The following MAF variants were observed in gnomAD, a reference collection of about 807,000 sequenced individuals.
MAF encodes MAF bZIP transcription factor.
A neutral mutation model predicts 22.0 loss-of-function variants in MAF; 10 were observed. The ratio of observed to expected loss-of-function variants is 0.45; its 90% CI spans 0.28 to 0.77. The LOEUF (loss-of-function observed/expected upper bound fraction) is 0.77, where lower values mean the gene tolerates loss of function less well. MAF is among the 30% of genes least tolerant of loss of function. MAF has a pLI of 0.12. For synonymous variants in MAF, 337 were observed against 255.8 expected, an observed-to-expected ratio of 1.32 and a Z score of -3.03; for missense variants, 544 against 548.4, an observed-to-expected ratio of 0.99 and a Z score of 0.08.
the MAF span, among the ~76,000 whole-genome samples, chr16:79,378,473 T>C: frequency 6.6e-6 from 1 of 152,220 alleles, no homozygotes; most frequent in Non-Finnish European, 1.5e-5. Context: ...GTATTCACAC[T>C]ACTAAAATTT....
chr16:79,372,615 C>T, the MAF span, among the ~76,000 whole-genome samples: 6 of 152,180 alleles, frequency 3.9e-5, no homozygotes, highest in African/African-American at 1.2e-4. Context: ...CCCACTTCAA[C>T]GAGGCAGGCT....
chr16:79,535,250 A>G, the MAF span, among the ~76,000 whole-genome samples: 1 of 151,998 alleles, frequency 6.6e-6, no homozygotes, highest in Non-Finnish European at 1.5e-5. Context: ...CACACTGTAG[A>G]GTTACTCAGA....
the MAF span, among the ~76,000 whole-genome samples, chr16:79,350,282 C>T: frequency 6.6e-6 from 1 of 152,126 alleles, no homozygotes; most frequent in African/African-American, 2.4e-5. Flanking sequence ...CCACTATGTG[C>T]CAAATCAGCA....
the MAF span, among the ~76,000 whole-genome samples, chr16:79,535,568 C>T: frequency 6.7e-6 from 1 of 148,340 alleles, no homozygotes; most frequent in Non-Finnish European, 1.5e-5. Context: ...CTGAAGATAG[C>T]ATCAAGCATT....
chr16:79,473,957 C>T, the MAF span, among the ~76,000 whole-genome samples: 1 of 151,914 alleles, frequency 6.6e-6, no homozygotes, highest in African/African-American at 2.4e-5. Flanking sequence ...ATAAAGTGGT[C>T]GAGTGGGGAG....
the MAF span, among the ~76,000 whole-genome samples, chr16:79,369,263 C>A: frequency 1.3e-5 from 2 of 152,240 alleles, no homozygotes; most frequent in Middle Eastern, 3.4e-3. Context: ...TCCCTATGTG[C>A]TGGGAGCTGG....
At chr16:79,428,087 G>A in the MAF span, among the ~76,000 whole-genome samples, 22 of 102,866 alleles carry the variant, frequency 2.1e-4, no homozygotes, top group East Asian at 4.8e-3. Context: ...GTGAGACACC[G>A]ACTCAAATTA....
chr16:79,497,589 G>T, the MAF span, among the ~76,000 whole-genome samples: 1 of 152,186 alleles, frequency 6.6e-6, no homozygotes, highest in African/African-American at 2.4e-5. Context: ...CACCTCACAG[G>T]CCTCATGTGG....
At chr16:79,445,092 G>A in the MAF span, among the ~76,000 whole-genome samples, 52 of 152,070 alleles carry the variant, frequency 3.4e-4, no homozygotes, top group African/African-American at 1.1e-3. Context: ...GGAGTGCAGC[G>A]GCACAATCTC....
At chr16:79,406,299 G>T in the MAF span, among the ~76,000 whole-genome samples, 2 of 152,338 alleles carry the variant, frequency 1.3e-5, no homozygotes, top group Middle Eastern at 6.8e-3. Context: ...ACGTCCCCAA[G>T]GAGCATAGGA....
chr16:79,398,390 A>C, the MAF span, among the ~76,000 whole-genome samples: 1 of 152,250 alleles, frequency 6.6e-6, no homozygotes, highest in Non-Finnish European at 1.5e-5. Flanking sequence ...TTAACAGAGC[A>C]TATCCCCATT....
At chr16:79,238,379 G>A in the MAF span, among the ~76,000 whole-genome samples, 1,001 of 152,162 alleles carry the variant, frequency 6.6e-3, 14 homozygotes, top group African/African-American at 0.022. Flanking sequence ...ATCTAAGAGC[G>A]GGGGCACTGT....
At chr16:79,422,948 G>C in the MAF span, among the ~76,000 whole-genome samples, 4 of 152,064 alleles carry the variant, frequency 2.6e-5, no homozygotes, top group Non-Finnish European at 5.9e-5. Flanking sequence ...AAATAAGACA[G>C]GTGGAGTGAC....
chr16:79,319,116 C>T, the MAF span, among the ~76,000 whole-genome samples: 1 of 152,030 alleles, frequency 6.6e-6, no homozygotes, highest in East Asian at 1.9e-4. Context: ...TCCCTAAATC[C>T]CTGGCACACT....
chr16:79,490,086 G>C, the MAF span, among the ~76,000 whole-genome samples: 4 of 152,234 alleles, frequency 2.6e-5, no homozygotes, highest in Non-Finnish European at 5.9e-5. Flanking sequence ...TGGCAAGGTA[G>C]AGTGGTCCAG....
chr16:79,349,854 G>T, the MAF span, among the ~76,000 whole-genome samples: 1 of 152,124 alleles, frequency 6.6e-6, no homozygotes, highest in Non-Finnish European at 1.5e-5. Context: ...ATTCCTCTCA[G>T]CACACCATAT....
the MAF span, among the ~76,000 whole-genome samples, chr16:79,563,733 GCAAA>G: frequency 2.8e-5 from 4 of 145,048 alleles, no homozygotes; most frequent in South Asian, 2.1e-4. Flanking sequence ...TAATTAGCTA[GCAAA>G]CACACACACA....
chr16:79,485,716 G>A, the MAF span, among the ~76,000 whole-genome samples: 2 of 152,176 alleles, frequency 1.3e-5, no homozygotes, highest in Non-Finnish European at 2.9e-5. Context: ...CTCTGAGCAG[G>A]AAGATCTGTC....
chr16:79,423,267 C>A, the MAF span, among the ~76,000 whole-genome samples: 1 of 152,016 alleles, frequency 6.6e-6, no homozygotes, highest in Non-Finnish European at 1.5e-5. Flanking sequence ...ATCTGGTGAA[C>A]CTGTTCTAGG....
Sources: gnomAD v4.1 joint callset for allele counts (sites outside exome capture counted in the v4.1 genomes callset) on GRCh38, gnomAD v4.1.1 for gene constraint, MANE v1.5 for transcripts, NCBI Gene and HGNC (gene_info 2026-07-23, HGNC 2026-07-21) for gene names.